Variants in CAPN8 observed in about 807,000 individuals in gnomAD.
CAPN8 encodes the protein calpain-8.
CAPN8 carries 87 observed loss-of-function variants against 80.9 expected under a neutral mutation model. The ratio of observed to expected loss-of-function variants is 1.07; its 90% confidence interval spans 0.90 to 1.28. The LOEUF (loss-of-function observed/expected upper bound fraction) is 1.28, where lower values mean the gene tolerates loss of function less well. Ranked by LOEUF, CAPN8 falls within the 50% of genes most tolerant of loss-of-function variation. CAPN8 has a pLI of 0.00. For synonymous variants in CAPN8, 299 were observed against 273.8 expected (o/e 1.09, Z -0.91); for missense variants, 757 against 702.0 (o/e 1.08, Z -0.89).
At position 223,663,415 on chromosome 1, in the gene CAPN8, A is replaced by G. The variant is rs1658703203; in HGVS notation, c.237+1995T>C. ...TAAGGCTTTTCACCACCCAGTTGTG[A>G]CAACCCAGGTTCCCATGGCCCATCA... On this transcript the variant is annotated intron_variant, in intron 1 of 20. Coordinates refer to ENST00000366872, the MANE Select transcript of CAPN8 (RefSeq NM_001143962.2). 2.6e-5 allele frequency among the ~76,000 whole-genome samples: 4 copies of G among 152,080 alleles called. No individual in the cohort carries two copies. The South Asian group carries it at 8.3e-4, about 32-fold the overall frequency.
At chr1:223,624,155 C>A (rs576347977) in intron 6 of CAPN8, among the ~76,000 whole-genome samples, 6 of 152,304 alleles carry the variant, frequency 3.9e-5, no homozygotes, top group Non-Finnish European at 7.4e-5. Flanking sequence ...ACTGCAGGCT[C>A]TCAAGCGCCT....
In CAPN8 at chr1:223,622,048, C is replaced by T. The variant is rs540842854; in HGVS notation, c.899+767G>A. On this transcript the variant is annotated intron_variant, in intron 7 of 20. Transcript: ENST00000366872. Reference sequence around the variant, plus strand: ...CTCGAACTCCTGAGCTCAAGTGATCCACCCGCCTAGGCCTCCCAAAGTGTT... The same window carrying T: ...CTCGAACTCCTGAGCTCAAGTGATCTACCCGCCTAGGCCTCCCAAAGTGTT... Among the ~76,000 whole-genome samples, 21 of 152,210 alleles carry T rather than the reference C, an allele frequency of 1.4e-4. 1 individual carries two copies. In the East Asian group the frequency reaches 4.1e-3, roughly 29 times the overall value.
intron 15 of CAPN8, 34 bp from the exon 16 acceptor site, chr1:223,549,416 C>G: frequency 6.4e-7 from 1 of 1,551,384 alleles, no homozygotes; most frequent in Non-Finnish European, 8.7e-7. Flanking sequence ...GAGTGGGAAT[C>G]GGATCATTTG....
At chr1:223,652,640 G>A (rs1404470992) in intron 2 of CAPN8, among the ~76,000 whole-genome samples, 3 of 152,086 alleles carry the variant, frequency 2.0e-5, no homozygotes, top group Non-Finnish European at 4.4e-5. Context: ...TCCCCACCCT[G>A]ACGCTCTGGG....
intron 18 of CAPN8, 75 bp downstream of exon 18, chr1:223,544,697 T>A: frequency 6.5e-7 from 1 of 1,536,050 alleles, no homozygotes; most frequent in Non-Finnish European, 8.8e-7. Flanking sequence ...TCATTAGCAA[T>A]CATCATCATG....
At chr1:223,647,205 A>C (rs978317852) in intron 2 of CAPN8, among the ~76,000 whole-genome samples, 3 of 152,214 alleles carry the variant, frequency 2.0e-5, no homozygotes, top group Non-Finnish European at 4.4e-5. Context: ...CCTGTAAGGC[A>C]GGATTCTTAA....
At chr1:223,613,706 C>T (rs779966468) in intron 10 of CAPN8, among the ~76,000 whole-genome samples, 2 of 152,230 alleles carry the variant, frequency 1.3e-5, no homozygotes, top group Non-Finnish European at 2.9e-5. Flanking sequence ...ACAAGGAGGG[C>T]TCTTTAGTCT....
In CAPN8 at chr1:223,642,477, T is replaced by C. The variant is rs570579584; in HGVS notation, c.307+11853A>G. ...CCCAGAAGGGGCCTCTCAGACCTGA[T>C]AGCAGCGTAGAGGCAGCTCCTCAGG... On this transcript the variant is annotated intron_variant, in intron 2 of 20. Coordinates refer to ENST00000366872, the MANE Select transcript of CAPN8 (RefSeq NM_001143962.2). Among the ~76,000 whole-genome samples, 4 of 152,328 alleles carry C rather than the reference T, an allele frequency of 2.6e-5. No homozygotes were observed. The East Asian group carries it at 7.7e-4, about 29-fold the overall frequency.
intron 9 of CAPN8, chr1:223,617,876 A>G (rs1368350330): frequency 5.3e-6 from 1 of 187,540 alleles, no homozygotes; most frequent in African/African-American, 2.3e-5. Flanking sequence ...AAATCAAGCA[A>G]CAAGGGCAGG....
intron 9 of CAPN8, chr1:223,617,820 C>T (rs1657247322): frequency 5.9e-6 from 1 of 168,868 alleles, no homozygotes; most frequent in South Asian, 1.6e-4. Flanking sequence ...ATCTGGAGGA[C>T]TAGGAAACTG....
chr1:223,649,694 T>A (rs1344510901), intron 2 of CAPN8, among the ~76,000 whole-genome samples: 1 of 152,116 alleles, frequency 6.6e-6, no homozygotes, highest in Non-Finnish European at 1.5e-5. Flanking sequence ...CAAAGGAAAA[T>A]GAAAAATACA....
rs1656971513 is a variant in CAPN8, at chr1:223,609,159, T to C, written c.1529A>G (p.Gln510Arg). The C allele has an allele frequency of 2.5e-6, 1 of 398,422 alleles. No individual in the cohort carries two copies. Among genetic ancestry groups the C allele is most frequent in the Admixed American group, 4.4e-5 (1 of 22,718 alleles). 24.7% of individuals were successfully genotyped at this position (398,422 alleles called of 1,614,324 possible). A position where few individuals can be genotyped will look rare whatever the true frequency, so the allele number is the denominator to read the frequency against. The stretch of plus-strand genomic sequence containing the variant: ...CGGAGGGAAGGAGACGCACAGGGCC[T>C]GGGCCTTCTTCTCTGAGAACACTCT... Reference protein sequence around the residue: ...CLRVFSEKKAQALEIGDVVAG... With the variant: ...CLRVFSEKKARALEIGDVVAG... Residue 510 changes from glutamine (Q) to arginine (R), a missense_variant, in exon 12 of 21, where the codon CAG becomes CGG. By Grantham distance (43) the Gln-to-Arg change is conservative. Transcript: ENST00000366872.
At chr1:223,648,520 C>T (rs1658254336) in intron 2 of CAPN8, among the ~76,000 whole-genome samples, 1 of 152,156 alleles carries the variant, frequency 6.6e-6, no homozygotes, top group African/African-American at 2.4e-5. Flanking sequence ...GACACTACTC[C>T]CAGTTACTGA....
chr1:223,646,134 G>T (rs1268476181), intron 2 of CAPN8, among the ~76,000 whole-genome samples: 1 of 152,206 alleles, frequency 6.6e-6, no homozygotes, highest in Non-Finnish European at 1.5e-5. Context: ...AGAGGGCGGT[G>T]ACACAGCAAC....
At chr1:223,622,655 G>C in intron 7 of CAPN8, 160 bp downstream of exon 7, 1 of 632,498 alleles carries the variant, frequency 1.6e-6, no homozygotes, top group Non-Finnish European at 2.8e-6. Context: ...GCTTTTCCCA[G>C]CCTGGATCCA....
intron 1 of CAPN8, among the ~76,000 whole-genome samples, chr1:223,660,048 T>A (rs1331398588): frequency 6.6e-6 from 1 of 152,198 alleles, no homozygotes; most frequent in Non-Finnish European, 1.5e-5. Flanking sequence ...TCACTCCAGA[T>A]GTAGCAGCTG....
chr1:223,618,419 C>A, intron 9 of CAPN8: 1 of 1,200,298 alleles, frequency 8.3e-7, no homozygotes, highest in Admixed American at 2.1e-5. Context: ...CCATGACACG[C>A]ATGCCCTGTG....
chr1:223,653,916 T>C (rs1658407099), intron 2 of CAPN8, among the ~76,000 whole-genome samples: 1 of 152,242 alleles, frequency 6.6e-6, no homozygotes, highest in Non-Finnish European at 1.5e-5. Context: ...ATTCCTGTTT[T>C]CTTACTAATT....
At chr1:223,543,835 T>G (rs1656539590) in intron 19 of CAPN8, among the ~76,000 whole-genome samples, 1 of 152,178 alleles carries the variant, frequency 6.6e-6, no homozygotes, top group Non-Finnish European at 1.5e-5. Flanking sequence ...CTTTGTTAAG[T>G]CTCCAAAAAA....
Sources: gnomAD v4.1 joint callset for allele counts (sites outside exome capture counted in the v4.1 genomes callset) on GRCh38, gnomAD v4.1.1 for gene constraint, MANE v1.5 for transcripts, NCBI Gene and HGNC (gene_info 2026-07-23, HGNC 2026-07-21) for gene names.